Variants in GRAMD4 observed in about 807,000 individuals in gnomAD.
GRAMD4 encodes the protein GRAM domain containing 4.
GRAMD4 carries 25 observed loss-of-function variants against 83.9 expected under a neutral mutation model. That is an observed-to-expected ratio of 0.30 (90% CI 0.22 to 0.42). The LOEUF (loss-of-function observed/expected upper bound fraction) is 0.42, where lower values mean the gene tolerates loss of function less well. GRAMD4 is among the 10% of genes least tolerant of loss of function. The pLI, the probability that GRAMD4 is intolerant of heterozygous loss-of-function variation, is 1.00. For synonymous variants in GRAMD4, 336 were observed against 320.9 expected (o/e 1.05, Z -0.50); for missense variants, 593 against 788.7 (o/e 0.75, Z 2.97).
chr22:46,639,653 C>G (rs151168287), intron 3 of GRAMD4, among the ~76,000 whole-genome samples: 221 of 149,806 alleles, frequency 1.5e-3, no homozygotes, highest in African/African-American at 5.2e-3. Flanking sequence ...TGTGCATGCC[C>G]GTGTGCAGCA....
chr22:46,616,221 CGT>C (rs1408268268), upstream of GRAMD4, among the ~76,000 whole-genome samples: 189 of 9,392 alleles, frequency 0.02, 29 homozygotes, highest in Admixed American at 0.025. Flanking sequence ...TTCCCCTGTG[CGT>C]GTAGGTTCCC....
At chr22:46,627,643 G>A (rs1601589645) in intron 2 of GRAMD4, among the ~76,000 whole-genome samples, 1 of 152,198 alleles carries the variant, frequency 6.6e-6, no homozygotes, top group Non-Finnish European at 1.5e-5. Flanking sequence ...GCTCCTCCCC[G>A]CATGCACACA....
rs1446502852 is a variant in GRAMD4, at chr22:46,678,713, A to G, written c.*1462A>G. ...TATTTTTGTATCCTTTTTCAGATGT[A>G]ATTTTTATCTTTGCTCCGATCCTCA... On this transcript the variant is annotated 3_prime_UTR_variant, in exon 19 of 19. Coordinates refer to ENST00000406902, the MANE Select transcript of GRAMD4 (RefSeq NM_015124.5). 1.8e-5 allele frequency: 18 copies of G among 985,524 alleles called. No homozygotes were observed. The highest frequency in any genetic ancestry group is 2.2e-5 in the Non-Finnish European group (18 of 829,932). 61.0% of individuals were successfully genotyped at this position (985,524 alleles called of 1,614,324 possible).
chr22:46,669,579 C>CTT (rs748596128), intron 13 of GRAMD4, among the ~76,000 whole-genome samples: 1 of 141,960 alleles, frequency 7.0e-6, no homozygotes, highest in African/African-American at 2.5e-5. Context: ...CTCTCTCTCT[C>CTT]TTTTTTTTTT....
In GRAMD4 at chr22:46,623,835, G is replaced by A. The variant is rs145096467; in HGVS notation, c.-49-2916G>A. ...CTTGCTCTGTTGCCCAGGCTGGAGT[G>A]CAGTGGCGTGATCTCGGCTCACTGC... On this transcript the variant is annotated intron_variant, in intron 1 of 18. Coordinates refer to ENST00000406902, the MANE Select transcript of GRAMD4 (RefSeq NM_015124.5). 2.4e-3 allele frequency among the ~76,000 whole-genome samples: 357 copies of A among 150,464 alleles called. 2 individuals are homozygous for A. Among genetic ancestry groups the A allele is most frequent in the African/African-American group, 8.3e-3 (337 of 40,812 alleles).
intron 1 of GRAMD4, among the ~76,000 whole-genome samples, chr22:46,584,610 C>A (rs1211148014): frequency 6.6e-6 from 1 of 152,158 alleles, no homozygotes; most frequent in Non-Finnish European, 1.5e-5. Context: ...TGGGACCCCC[C>A]GGGAAGCAGT....
At chr22:46,637,800 C>A in intron 2 of GRAMD4, 40 bp from the exon 3 acceptor site, 2 of 1,610,522 alleles carry the variant, frequency 1.2e-6, no homozygotes, top group Non-Finnish European at 1.7e-6. Context: ...CCCAGGGTGC[C>A]ACAGGTGGCC....
rs887577996 is a variant in GRAMD4 at position 46,620,625 on chromosome 22, C to T, written c.-50+60C>T. ...GTAGGGCCCATCTGAGTGGAAGCCC[C>T]AGCCTTGGGAAAAGCTGCTACTCTC... On this transcript the variant is annotated intron_variant, in intron 1 of 18. Transcript: ENST00000406902. This position sits in a 1 kb window ranked among gnomAD's most constrained non-coding sequence, Gnocchi z 4.7. 1.1e-5 allele frequency: 7 copies of T among 641,996 alleles called. No individual in the cohort carries two copies. Among genetic ancestry groups the T allele is most frequent in the Non-Finnish European group, 1.4e-5 (7 of 515,250 alleles). The allele number at this position is 641,996 out of a possible 1,614,324, so 39.8% of individuals were successfully genotyped here. A position where few individuals can be genotyped will look rare whatever the true frequency, so the allele number is the denominator to read the frequency against.
At chr22:46,675,363 G>A (rs1005394981) in intron 16 of GRAMD4, 105 bp from the exon 17 acceptor site, 1 of 776,314 alleles carries the variant, frequency 1.3e-6, no homozygotes, top group Non-Finnish European at 2.3e-6. Context: ...GAGCACCACT[G>A]TCCATCCCAC....
chr22:46,589,670 C>T (rs1441851048), intron 1 of GRAMD4, among the ~76,000 whole-genome samples: 1 of 152,134 alleles, frequency 6.6e-6, no homozygotes, highest in East Asian at 1.9e-4. Context: ...GGCTACCCCC[C>T]AGTCCCGCTC....
In GRAMD4 at chr22:46,648,943, G is replaced by GATGGATGGATGGATGGATGGATGCATGC. The variant is rs1569288677; in HGVS notation, c.284-9221_284-9220insCATGCATGGATGGATGGATGGATGGATG. On this transcript the variant is annotated intron_variant, in intron 3 of 18. Coordinates refer to ENST00000406902, the MANE Select transcript of GRAMD4 (RefSeq NM_015124.5). Reference sequence around the variant, plus strand: ...GGATGGATGGATGGATGCATGGATGGATGGATGGATGGATGGATGGATGGA... The same window carrying GATGGATGGATGGATGGATGGATGCATGC: ...GGATGGATGGATGGATGCATGGATGGATGGATGGATGGATGGATGGATGCATGCATGGATGGATGGATGGATGGATGGA... Among the ~76,000 whole-genome samples, 9 of 85,414 alleles carry GATGGATGGATGGATGGATGGATGCATGC rather than the reference G, an allele frequency of 1.1e-4. 1 individual carries two copies. Among genetic ancestry groups the GATGGATGGATGGATGGATGGATGCATGC allele is most frequent in the African/African-American group, 4.5e-4 (9 of 19,974 alleles). The allele number at this position is 85,414 out of a possible 152,430, so 56.0% of individuals were successfully genotyped here.
At chr22:46,586,313 C>T (rs2081149435) in intron 1 of GRAMD4, among the ~76,000 whole-genome samples, 1 of 152,220 alleles carries the variant, frequency 6.6e-6, no homozygotes, top group Non-Finnish European at 1.5e-5. Context: ...TCACTGGGCC[C>T]CACTGGCGCC....
chr22:46,603,574 T>C (rs925843297), intron 1 of GRAMD4, among the ~76,000 whole-genome samples: 1 of 136,672 alleles, frequency 7.3e-6, no homozygotes, highest in Middle Eastern at 4.0e-3. Context: ...TGGAGTGCAG[T>C]GGCGCGATCC....
In GRAMD4 at chr22:46,622,269, C is replaced by A. The variant is rs9616080; in HGVS notation, c.-50+1704C>A. ...GCCAAGAGTTCTGTGCGTGTCCAAG[C>A]GTGTCCCCTGCTTTCCTTGGGTGGA... On this transcript the variant is annotated intron_variant, in intron 1 of 18. Coordinates refer to ENST00000406902, the MANE Select transcript of GRAMD4 (RefSeq NM_015124.5). This position sits in a 1 kb window ranked among gnomAD's most constrained non-coding sequence, Gnocchi z 4.0. 6.6e-6 allele frequency among the ~76,000 whole-genome samples: 1 copy of A among 152,056 alleles called. No individual in the cohort carries two copies. The highest frequency in any genetic ancestry group is 2.4e-5 in the African/African-American group (1 of 41,422).
chr22:46,577,469 A>C (rs2081054387), intron 1 of GRAMD4, among the ~76,000 whole-genome samples: 2 of 149,106 alleles, frequency 1.3e-5, no homozygotes, highest in East Asian at 2.0e-4. Context: ...CGCGCCCCGC[A>C]CACGCCCCCG....
At chr22:46,603,630 C>T (rs2147062199) in intron 1 of GRAMD4, among the ~76,000 whole-genome samples, 1 of 150,960 alleles carries the variant, frequency 6.6e-6, no homozygotes, top group East Asian at 2.0e-4. Context: ...CATTCTCCTG[C>T]CTCAGCCTCT....
chr22:46,641,417 AAG>A (rs2081974338), intron 3 of GRAMD4, among the ~76,000 whole-genome samples: 2 of 152,070 alleles, frequency 1.3e-5, no homozygotes, highest in Non-Finnish European at 2.9e-5. Flanking sequence ...GGAAGGAAGG[AAG>A]GAAACAAATA....
chr22:46,591,292 AGG>A lies in GRAMD4; in HGVS notation c.-50+14003_-50+14004del, dbSNP rs2081205051. ...AGCACTTTGAGAGGCTGAGAGGGGGAGGATTGCGTGAGCTCAGGAGTTTGAGA... is the reference window on the plus strand; with the variant it reads ...AGCACTTTGAGAGGCTGAGAGGGGGAATTGCGTGAGCTCAGGAGTTTGAGA... On this transcript the variant is annotated intron_variant, in intron 1 of 1. Coordinates refer to the GRAMD4 transcript ENST00000431155. 2.7e-5 allele frequency among the ~76,000 whole-genome samples: 4 copies of A among 149,394 alleles called. No individual in the cohort carries two copies. The South Asian group carries it at 6.4e-4, about 24-fold the overall frequency.
At chr22:46,660,861 C>CA (rs1241360826) in intron 4 of GRAMD4, among the ~76,000 whole-genome samples, 1 of 152,210 alleles carries the variant, frequency 6.6e-6, no homozygotes, top group Non-Finnish European at 1.5e-5. Flanking sequence ...TGCACCTGCT[C>CA]ACAGGCCTTG....
Sources: gnomAD v4.1 joint callset for allele counts (sites outside exome capture counted in the v4.1 genomes callset) on GRCh38, gnomAD v4.1.1 for gene constraint, Gnocchi (gnomAD v3.1) non-coding constraint, MANE v1.5 for transcripts, NCBI Gene and HGNC (gene_info 2026-07-23, HGNC 2026-07-21) for gene names.